The following METTL8 variants were observed in gnomAD, a reference collection of about 807,000 sequenced individuals.
METTL8 encodes tRNA N(3)-cytidine methyltransferase METTL8, mitochondrial.
Under a neutral mutation model 48.7 loss-of-function variants are expected in METTL8, and 32 were observed. The observed-to-expected ratio is 0.66, with a 90% CI of 0.50 to 0.88. The LOEUF (loss-of-function observed/expected upper bound fraction) is 0.88, where lower values mean the gene tolerates loss of function less well. Ranked by LOEUF, METTL8 falls within the 40% of genes least tolerant of loss-of-function variation. METTL8 has a pLI of 0.00. For synonymous variants in METTL8, 136 were observed against 157.1 expected, an observed-to-expected ratio of 0.87 and a Z score of 1.01; for missense variants, 464 against 474.4, an observed-to-expected ratio of 0.98 and a Z score of 0.20.
chr2:171,378,014 CCAA>C (rs1687147569), intron 2 of METTL8, among the ~76,000 whole-genome samples: 1 of 152,056 alleles, frequency 6.6e-6, no homozygotes. Flanking sequence ...TGCCCATCAA[CCAA>C]CAAGTGGATC....
At chr2:171,434,514 A>G (rs923839232), upstream of METTL8, 54 of 1,522,974 alleles carry the variant, frequency 3.5e-5, no homozygotes, top group African/African-American at 7.3e-4. Context: ...GCGGCTGCCC[A>G]GCACGGGAGT....
chr2:171,366,758 G>T (rs1169993470), intron 2 of METTL8, among the ~76,000 whole-genome samples: 1 of 152,064 alleles, frequency 6.6e-6, no homozygotes, highest in Non-Finnish European at 1.5e-5. Flanking sequence ...GGTGGGCATG[G>T]TAGCTCACAC....
rs1684340731 is a variant in METTL8, at chr2:171,317,894, G to T, written c.*6278C>A. 2 of 152,186 alleles carry T rather than the reference G, an allele frequency of 1.3e-5. No individual in the cohort carries two copies. The highest frequency in any genetic ancestry group is 4.1e-4 in the South Asian group (2 of 4,828). The allele number at this position is 152,186 out of a possible 1,614,324, so 9.4% of individuals were successfully genotyped here. ...ACACTTTGAGATGATGCTCAAGGGA[G>T]CTGTGCTCTGCAGCCTCCTGGGTCC... On this transcript the variant is annotated 3_prime_UTR_variant, in exon 10 of 10. Coordinates refer to ENST00000375258, the MANE Select transcript of METTL8 (RefSeq NM_001321154.2).
chr2:171,381,030 G>A (rs1266016967), intron 2 of METTL8, among the ~76,000 whole-genome samples: 1 of 152,142 alleles, frequency 6.6e-6, no homozygotes, highest in Non-Finnish European at 1.5e-5. Flanking sequence ...AAAACAGCAT[G>A]GTACTGGTAT....
At chr2:171,430,825 G>A (rs1269706183) in intron 1 of METTL8, among the ~76,000 whole-genome samples, 5 of 152,178 alleles carry the variant, frequency 3.3e-5, no homozygotes, top group Non-Finnish European at 7.3e-5. Flanking sequence ...CCCATTTGGT[G>A]CACTTTCCTC....
intron 1 of METTL8, among the ~76,000 whole-genome samples, chr2:171,395,641 T>C (rs1654032448): frequency 6.6e-6 from 1 of 152,164 alleles, no homozygotes; most frequent in Non-Finnish European, 1.5e-5. Flanking sequence ...CAAGACAACA[T>C]AGCAGTCTTA....
chr2:171,387,883 C>G (rs62181356), intron 2 of METTL8, among the ~76,000 whole-genome samples: 1 of 151,976 alleles, frequency 6.6e-6, no homozygotes, highest in African/African-American at 2.4e-5. Flanking sequence ...CCTTCCTAGC[C>G]CCAGAGATGC....
intron 2 of METTL8, among the ~76,000 whole-genome samples, chr2:171,368,984 C>T (rs543767736): frequency 1.3e-5 from 2 of 152,078 alleles, no homozygotes; most frequent in African/African-American, 2.4e-5. Flanking sequence ...CAAAAAAAAC[C>T]CCACAATTAT....
chr2:171,416,220 G>A (rs967606299), intron 1 of METTL8, among the ~76,000 whole-genome samples: 4 of 152,206 alleles, frequency 2.6e-5, no homozygotes, highest in African/African-American at 9.6e-5. Flanking sequence ...CAGCCTTGCT[G>A]CTGAAGCTGG....
chr2:171,352,289 C>G (rs1684022534), intron 3 of METTL8, among the ~76,000 whole-genome samples: 1 of 152,164 alleles, frequency 6.6e-6, no homozygotes. Context: ...GTTGAACCAG[C>G]CTTGCATCCC....
chr2:171,398,499 G>T (rs1689331295), intron 1 of METTL8, among the ~76,000 whole-genome samples: 1 of 152,106 alleles, frequency 6.6e-6, no homozygotes, highest in South Asian at 2.1e-4. Flanking sequence ...GGCAGAGGTT[G>T]GGGAAGGGGG....
intron 9 of METTL8, among the ~76,000 whole-genome samples, chr2:171,324,607 A>C (rs1684740902): frequency 1.3e-5 from 2 of 152,174 alleles, no homozygotes; most frequent in Non-Finnish European, 2.9e-5. Context: ...AGATATATAA[A>C]ACTATTGGTT....
chr2:171,386,814 C>G (rs1403473353), intron 2 of METTL8, among the ~76,000 whole-genome samples: 2 of 152,158 alleles, frequency 1.3e-5, no homozygotes, highest in Admixed American at 6.5e-5. Flanking sequence ...CGCCCCGATC[C>G]TATGCCTATA....
intron 2 of METTL8, among the ~76,000 whole-genome samples, chr2:171,372,050 C>T (rs1686417362): frequency 1.3e-5 from 2 of 152,064 alleles, no homozygotes; most frequent in Admixed American, 6.6e-5. Context: ...TGCCTTTCTA[C>T]TTTGCATACA....
chr2:171,393,533 T>G (rs905323068), intron 1 of METTL8, among the ~76,000 whole-genome samples: 3 of 152,146 alleles, frequency 2.0e-5, no homozygotes, highest in African/African-American at 7.2e-5. Context: ...ATCTTAATTA[T>G]GTACTTGTAA....
intron 1 of METTL8, among the ~76,000 whole-genome samples, chr2:171,423,417 G>A (rs2105662272): frequency 6.6e-6 from 1 of 152,304 alleles, no homozygotes; most frequent in East Asian, 1.9e-4. Context: ...ATGTGAGAAA[G>A]TTTGAAACTT....
intron 1 of METTL8, among the ~76,000 whole-genome samples, chr2:171,431,642 T>C (rs1430572179): frequency 1.3e-5 from 2 of 152,104 alleles, no homozygotes; most frequent in South Asian, 2.1e-4. Context: ...CCACCAAACA[T>C]GGGTAGGAAG....
intron 1 of METTL8, among the ~76,000 whole-genome samples, chr2:171,405,939 G>T (rs1690137115): frequency 6.6e-6 from 1 of 152,132 alleles, no homozygotes; most frequent in South Asian, 2.1e-4. Context: ...AAAAAAATGG[G>T]AAAGGACACT....
chr2:171,410,852 T>C (rs1378668183), intron 1 of METTL8, among the ~76,000 whole-genome samples: 1 of 152,232 alleles, frequency 6.6e-6, no homozygotes, highest in East Asian at 1.9e-4. Flanking sequence ...CAGTCATACC[T>C]CATAAATCCA....
Sources: allele counts gnomAD v4.1 joint callset (sites outside exome capture counted in the v4.1 genomes callset), GRCh38; gene constraint gnomAD v4.1.1; transcripts MANE v1.5; gene names NCBI Gene and HGNC (gene_info 2026-07-23, HGNC 2026-07-21).